TMEM117: variants seen among roughly 807,000 people sequenced by gnomAD.
TMEM117 encodes transmembrane protein 117.
In TMEM117, 27 loss-of-function variants were observed where a neutral mutation model predicts 52.4. The observed-to-expected ratio is 0.51, with a 90% CI of 0.38 to 0.71. The LOEUF is 0.71. Ranked by LOEUF, TMEM117 falls within the 30% of genes least tolerant of loss-of-function variation. The pLI is 0.00. For missense variants in TMEM117, 556 were observed against 630.5 expected (o/e 0.88, Z 1.26); for synonymous variants, 215 against 206.3 (o/e 1.04, Z -0.36).
In TMEM117 at chr12:44,151,329, C is replaced by CT. The variant is rs530283255; in HGVS notation, c.510+7715dup. 9.9e-3 allele frequency among the ~76,000 whole-genome samples: 1,391 copies of CT among 140,668 alleles called. 19 individuals carry two copies. Among genetic ancestry groups the CT allele is most frequent in the African/African-American group, 0.033 (1,282 of 38,322 alleles). 92.3% of individuals were successfully genotyped at this position (140,668 alleles called of 152,430 possible). A position where few individuals can be genotyped will look rare whatever the true frequency, so the allele number is the denominator to read the frequency against. The stretch of plus-strand genomic sequence containing the variant: ...ATTTTTCTAACGTAAAGTTCCGCAC[C>CT]TTTTTTTTTTGATGGAATTTTCTTT... On this transcript the variant is annotated intron_variant, in intron 4 of 7. Transcript: ENST00000266534.
intron 5 of TMEM117, among the ~76,000 whole-genome samples, chr12:44,212,392 T>G (rs1949657913): frequency 2.0e-5 from 3 of 152,186 alleles, no homozygotes; most frequent in Admixed American, 2.0e-4. Flanking sequence ...TTTTAGTTAA[T>G]GATGGCCCCA....
At chr12:44,267,668 C>T (rs1183953859) in intron 5 of TMEM117, among the ~76,000 whole-genome samples, 7 of 152,190 alleles carry the variant, frequency 4.6e-5, no homozygotes, top group Non-Finnish European at 8.8e-5. Context: ...CTTTGACCCT[C>T]CTTTCTCCCT....
intron 7 of TMEM117, among the ~76,000 whole-genome samples, chr12:44,387,347 TAAA>T (rs1268987975): frequency 1.3e-5 from 2 of 151,730 alleles, no homozygotes; most frequent in African/African-American, 4.8e-5. Flanking sequence ...TTTTAAATAT[TAAA>T]AAAAGAAATA....
chr12:44,291,360 T>A (rs959838529), intron 5 of TMEM117, among the ~76,000 whole-genome samples: 11 of 150,636 alleles, frequency 7.3e-5, no homozygotes, highest in Non-Finnish European at 1.2e-4. Context: ...TCAATTTGTT[T>A]ATTAGTTCTA....
chr12:44,356,057 A>G (rs1951643898), intron 6 of TMEM117, among the ~76,000 whole-genome samples: 1 of 152,126 alleles, frequency 6.6e-6, no homozygotes, highest in Admixed American at 6.6e-5. Flanking sequence ...ATGGTAAAAG[A>G]GAGAACTGGG....
At chr12:43,823,796 A>C in the TMEM117 span, among the ~76,000 whole-genome samples, 2 of 152,036 alleles carry the variant, frequency 1.3e-5, no homozygotes, top group African/African-American at 4.8e-5. Flanking sequence ...GAGCCACTGC[A>C]CTGGCCATGA....
At chr12:44,264,389 A>G (rs564704240) in intron 5 of TMEM117, among the ~76,000 whole-genome samples, 2 of 152,224 alleles carry the variant, frequency 1.3e-5, no homozygotes, top group East Asian at 3.9e-4. Flanking sequence ...CCTATCAGCT[A>G]TGCTAGTCCC....
At chr12:44,212,336 A>G (rs1001789089) in intron 5 of TMEM117, among the ~76,000 whole-genome samples, 4 of 152,074 alleles carry the variant, frequency 2.6e-5, no homozygotes, top group African/African-American at 9.7e-5. Flanking sequence ...CTCACTTATC[A>G]GATCTATTGT....
chr12:43,924,903 G>C (rs1178418449), intron 2 of TMEM117, among the ~76,000 whole-genome samples: 1 of 152,152 alleles, frequency 6.6e-6, no homozygotes, highest in Non-Finnish European at 1.5e-5. Context: ...TCATGAGGTT[G>C]TTGTGACTAT....
intron 3 of TMEM117, among the ~76,000 whole-genome samples, chr12:44,043,774 A>G (rs1351220912): frequency 6.6e-6 from 1 of 152,164 alleles, no homozygotes; most frequent in Admixed American, 6.5e-5. Context: ...ACTTGAAAAT[A>G]ACTGTTTGAG....
intron 6 of TMEM117, among the ~76,000 whole-genome samples, chr12:44,342,900 T>C (rs951572265): frequency 2.0e-5 from 3 of 152,092 alleles, no homozygotes; most frequent in Admixed American, 6.6e-5. Flanking sequence ...AGTCTCACTC[T>C]GTTGCCCAGA....
At chr12:43,899,861 A>C (rs527899748) in intron 2 of TMEM117, among the ~76,000 whole-genome samples, 1 of 14,972 alleles carries the variant, frequency 6.7e-5, no homozygotes, top group African/African-American at 1.7e-4. Context: ...CACTACCTAG[A>C]TATGTGACCT....
chr12:44,270,302 C>T (rs999732038), intron 5 of TMEM117, among the ~76,000 whole-genome samples: 3 of 152,040 alleles, frequency 2.0e-5, no homozygotes, highest in Non-Finnish European at 4.4e-5. Context: ...TTGTAGTTTT[C>T]CCTATAGAGG....
At chr12:44,315,769 A>ATTTAAT (rs1215790100) in intron 6 of TMEM117, among the ~76,000 whole-genome samples, 1 of 152,162 alleles carries the variant, frequency 6.6e-6, no homozygotes, top group Admixed American at 6.5e-5. Flanking sequence ...TAGGATTATT[A>ATTTAAT]AATCTTCTTG....
intron 3 of TMEM117, among the ~76,000 whole-genome samples, chr12:44,126,490 G>T (rs1948327093): frequency 6.6e-6 from 1 of 152,132 alleles, no homozygotes; most frequent in Non-Finnish European, 1.5e-5. Context: ...GATTCTACCT[G>T]TGTTCTTCTA....
chr12:43,964,833 T>C (rs1288678661), intron 3 of TMEM117, among the ~76,000 whole-genome samples: 2 of 152,236 alleles, frequency 1.3e-5, no homozygotes, highest in Non-Finnish European at 2.9e-5. Flanking sequence ...TGGTTCTAAA[T>C]ACTTCGAATG....
At chr12:43,808,321 C>CAGAA in the TMEM117 span, among the ~76,000 whole-genome samples, 1 of 152,166 alleles carries the variant, frequency 6.6e-6, no homozygotes, top group East Asian at 1.9e-4. Flanking sequence ...TTACATAGCT[C>CAGAA]TTCTAAGTCC....
At chr12:43,901,591 G>A (rs6582488) in intron 2 of TMEM117, among the ~76,000 whole-genome samples, 10 of 152,276 alleles carry the variant, frequency 6.6e-5, no homozygotes, top group African/African-American at 2.4e-4. Context: ...GATTACAGGC[G>A]TGAGCCATCA....
chr12:43,911,777 C>A (rs1409808593), intron 2 of TMEM117, among the ~76,000 whole-genome samples: 2 of 149,184 alleles, frequency 1.3e-5, no homozygotes. Context: ...CAGAGAAATT[C>A]AAATCAAAAC....
Sources: gnomAD v4.1 joint callset for allele counts (sites outside exome capture counted in the v4.1 genomes callset) on GRCh38, gnomAD v4.1.1 for gene constraint, MANE v1.5 for transcripts, NCBI Gene and HGNC (gene_info 2026-07-23, HGNC 2026-07-21) for gene names.